HECTD2: variants seen among roughly 807,000 people sequenced by gnomAD.
HECTD2 encodes probable E3 ubiquitin-protein ligase HECTD2.
A neutral mutation model predicts 103.2 loss-of-function variants in HECTD2; 35 were observed. The observed-to-expected ratio is 0.34, with a 90% CI of 0.26 to 0.45. HECTD2 has a LOEUF of 0.45. Among genes scored for constraint, HECTD2 ranks in the 20% least tolerant of loss-of-function variants. The probability of loss-of-function intolerance (pLI) is 1.00; values close to 1 mark genes in which losing one functional copy is unlikely to be tolerated. For missense variants in HECTD2, 596 were observed against 937.4 expected (o/e 0.64, Z 4.76); for synonymous variants, 281 against 329.9 (o/e 0.85, Z 1.61).
At chr10:91,472,330 T>G (rs1589520833) in intron 5 of HECTD2, among the ~76,000 whole-genome samples, 1 of 152,282 alleles carries the variant, frequency 6.6e-6, no homozygotes, top group East Asian at 1.9e-4. Context: ...GACTTTAATG[T>G]AAAAACTGAA....
At chr10:91,462,586 G>A in intron 5 of HECTD2, 1 of 1,046,684 alleles carries the variant, frequency 9.6e-7, no homozygotes, top group Admixed American at 5.2e-5. Context: ...TGAAGCCCAA[G>A]AATTTTCATT....
At chr10:91,431,413 C>T (rs1843861408) in intron 2 of HECTD2, among the ~76,000 whole-genome samples, 2 of 151,978 alleles carry the variant, frequency 1.3e-5, no homozygotes, top group African/African-American at 2.4e-5. Context: ...TTTCCTGAAT[C>T]TGAATGTTGG....
At position 91,438,316 on chromosome 10, in the gene HECTD2, A is replaced by T. The variant is rs146233911; in HGVS notation, c.268+12906A>T. On this transcript the variant is annotated intron_variant, in intron 2 of 20. Transcript: ENST00000298068. Reference sequence around the variant, plus strand: ...TCTCATTGTTCAACTGCCACTTACGAGTGAGAACATGCAGTGTTTGGTTTT... The same window carrying T: ...TCTCATTGTTCAACTGCCACTTACGTGTGAGAACATGCAGTGTTTGGTTTT... Among the ~76,000 whole-genome samples, 874 of 152,186 alleles carry T rather than the reference A, an allele frequency of 5.7e-3. 4 individuals are homozygous for T. Among genetic ancestry groups the T allele is most frequent in the African/African-American group, 0.02 (839 of 41,516 alleles).
chr10:91,500,352 T>C, intron 18 of HECTD2, 150 bp from the exon 19 acceptor site: 1 of 506,332 alleles, frequency 2.0e-6, no homozygotes, highest in Non-Finnish European at 3.5e-6. Flanking sequence ...GCAGGAAAAA[T>C]ATACCCAGAG....
At chr10:91,443,481 T>C (rs2133118080) in intron 2 of HECTD2, among the ~76,000 whole-genome samples, 1 of 151,776 alleles carries the variant, frequency 6.6e-6, no homozygotes, top group East Asian at 1.9e-4. Context: ...ACCTGCCAGA[T>C]GCCAGCTGGA....
At position 91,420,288 on chromosome 10, in the gene HECTD2, A is replaced by G. The variant is rs1012669105; in HGVS notation, c.139-4993A>G. ...TTAAGCTTTTATGATTACAAAAAAA[A>G]AAAAAAAGAAAATCAGGCTGGGTGC... is the stretch of plus-strand genomic sequence containing the variant. On this transcript the variant is annotated intron_variant, in intron 1 of 20. Transcript: ENST00000298068. Among the ~76,000 whole-genome samples the G allele has an allele frequency of 1.3e-3, 195 of 152,082 alleles. 4 individuals carry two copies. The highest frequency in any genetic ancestry group is 6.8e-3 in the Middle Eastern group (2 of 294).
chr10:91,495,733 A>T (rs1846641994), intron 14 of HECTD2, among the ~76,000 whole-genome samples: 1 of 152,084 alleles, frequency 6.6e-6, no homozygotes, highest in African/African-American at 2.4e-5. Flanking sequence ...TAGCATGTTT[A>T]TATCCATATG....
intron 3 of HECTD2, 144 bp downstream of exon 3, chr10:91,460,709 T>C (rs1845311125): frequency 1.5e-6 from 1 of 678,218 alleles, no homozygotes; most frequent in Non-Finnish European, 2.2e-6. Context: ...ATGTCTCAAG[T>C]TGAAGGTGAA....
At chr10:91,498,008 T>C (rs1846751928) in intron 15 of HECTD2, 100 bp from the exon 16 acceptor site, 1 of 741,250 alleles carries the variant, frequency 1.3e-6, no homozygotes, top group Non-Finnish European at 2.4e-6. Flanking sequence ...ATGTCAAATA[T>C]GATCTTTATA....
chr10:91,410,575 C>T lies in HECTD2; in HGVS notation c.137C>T (p.Ala46Val), dbSNP rs1309580591. ...PIVSAGAGATAGLDRGAKGQI... is the reference protein window; with the variant it reads ...PIVSAGAGATVGLDRGAKGQI... ...GTATCGGCGGGCGCCGGCGCGACCG[C>T]GGTAGGTGGTGGGCCGGGGCCGTCT... Residue 46 changes from alanine to valine, a missense_variant and splice_region_variant, in exon 1 of 21, where the codon GCG (alanine) becomes GTG (valine). This residue lies in a region of HECTD2 where 220 missense variants were observed against 233.9 expected (regional missense o/e 0.94). Transcript: ENST00000298068. 4.9e-6 allele frequency: 7 copies of T among 1,415,994 alleles called. No individual in the cohort carries two copies. Among genetic ancestry groups the T allele is most frequent in the Non-Finnish European group, 6.4e-6 (7 of 1,086,180 alleles). The allele number at this position is 1,415,994 out of a possible 1,614,324, so 87.7% of individuals were successfully genotyped here. A position where few individuals can be genotyped will look rare whatever the true frequency, so the allele number is the denominator to read the frequency against.
rs148629500 is a variant in HECTD2, at chr10:91,513,219, C to A, written c.*835C>A. ...AGGCTCAAGATATTAGAAAAGAAAT[C>A]AGACCTAAATAATCATTGATGAAGT... On this transcript the variant is annotated 3_prime_UTR_variant, in exon 21 of 21. Coordinates refer to ENST00000298068, the MANE Select transcript of HECTD2 (RefSeq NM_182765.6). 3 of 152,662 alleles carry A rather than the reference C, an allele frequency of 2.0e-5. No homozygotes were observed. In the East Asian group the frequency reaches 5.8e-4, roughly 29 times the overall value. The allele number at this position is 152,662 out of a possible 1,614,324, so 9.5% of individuals were successfully genotyped here.
At chr10:91,506,930 T>A (rs1264937068) in intron 20 of HECTD2, among the ~76,000 whole-genome samples, 2 of 149,698 alleles carry the variant, frequency 1.3e-5, no homozygotes, top group Admixed American at 1.3e-4. Flanking sequence ...TCCACCATGA[T>A]CAAGTGGGCT....
intron 1 of HECTD2, among the ~76,000 whole-genome samples, chr10:91,415,849 A>G (rs1349626202): frequency 6.6e-6 from 1 of 152,246 alleles, no homozygotes; most frequent in Non-Finnish European, 1.5e-5. Context: ...TATGGTATGA[A>G]TAGATCATTA....
intron 5 of HECTD2, among the ~76,000 whole-genome samples, chr10:91,467,046 G>A (rs1336876656): frequency 6.6e-6 from 1 of 151,980 alleles, no homozygotes; most frequent in African/African-American, 2.4e-5. Flanking sequence ...ATTGAGATTG[G>A]ACAGATGGAG....
In HECTD2 at chr10:91,484,638, A is replaced by C; in HGVS notation, c.953A>C (p.Lys318Thr). ...TCCTGGTGGATTCCATCAGCCGCTA[A>C]AGTGTTGGCTTTACTTAGTAGGTTT... ...KCSWWIPSAA[K>T]VLALLNTANN... Residue 318 changes from lysine (K) to threonine (T), a missense_variant, in exon 9 of 21, where the codon AAA becomes ACA. By Grantham distance (78) the Lys-to-Thr change is moderately conservative (BLOSUM62 -1). Transcript: ENST00000298068. 1.2e-6 allele frequency: 2 copies of C among 1,607,082 alleles called. No homozygotes were observed. The highest frequency in any genetic ancestry group is 1.3e-5 in the African/African-American group (1 of 74,694).
intron 10 of HECTD2, 99 bp downstream of exon 10, chr10:91,485,402 A>T (rs1034641641): frequency 1.1e-4 from 94 of 817,472 alleles, no homozygotes; most frequent in Non-Finnish European, 1.7e-4. Flanking sequence ...ATACGTTTAC[A>T]TATAAATGTA....
At chr10:91,496,408 G>A (rs1447900734) in intron 15 of HECTD2, 36 bp downstream of exon 15, 4 of 1,488,990 alleles carry the variant, frequency 2.7e-6, no homozygotes, top group Non-Finnish European at 3.7e-6. Context: ...GTCCTTTAAT[G>A]CGAAATCATC....
Position 91,512,463 on chromosome 10 carries a change from T to A in HECTD2, c.*79T>A, listed in dbSNP as rs1459900710. On this transcript the variant is annotated 3_prime_UTR_variant, in exon 21 of 21. Transcript: ENST00000298068. ...TGTGCCTTTAGCCTTTTCATGTTTC[T>A]GTCTCAAAACACTTTGACAAAGCTC... 2.3e-6 allele frequency: 3 copies of A among 1,285,306 alleles called. No homozygotes were observed. The highest frequency in any genetic ancestry group is 3.2e-6 in the Non-Finnish European group (3 of 932,180). 79.6% of individuals were successfully genotyped at this position (1,285,306 alleles called of 1,614,324 possible).
In HECTD2 at chr10:91,507,380, T is replaced by C. The variant is rs545990593; in HGVS notation, c.2211-4884T>C. ...TGATTGTATATCTAGAAAACCCCAT[T>C]GTCTCAGCCCAAAATCTCCTTAAGC... On this transcript the variant is annotated intron_variant, in intron 20 of 20. Coordinates refer to ENST00000298068, the MANE Select transcript of HECTD2 (RefSeq NM_182765.6). Among the ~76,000 whole-genome samples, 8 of 151,300 alleles carry C rather than the reference T, an allele frequency of 5.3e-5. No individual in the cohort carries two copies. The South Asian group carries it at 1.2e-3, about 24-fold the overall frequency.
Sources: gnomAD v4.1 joint callset for allele counts (sites outside exome capture counted in the v4.1 genomes callset) on GRCh38, gnomAD v4.1.1 for gene constraint, gnomAD v4.1.1 regional missense constraint, MANE v1.5 for transcripts, NCBI Gene and HGNC (gene_info 2026-07-23, HGNC 2026-07-21) for gene names.